Variants in FAM241A observed in about 807,000 individuals in gnomAD.
FAM241A encodes the protein family with sequence similarity 241 member A, also known as uncharacterized protein FAM241A.
A neutral mutation model predicts 12.2 loss-of-function variants in FAM241A; 7 were observed. The observed-to-expected ratio is 0.58, with a 90% CI of 0.33 to 1.08. The LOEUF (loss-of-function observed/expected upper bound fraction) is 1.08. Ranked by LOEUF, FAM241A falls within the 50% of genes least tolerant of loss-of-function variation. The pLI is 0.04. For synonymous variants in FAM241A, 74 were observed against 68.2 expected (o/e 1.08, Z -0.42); for missense variants, 161 against 169.7 (o/e 0.95, Z 0.29).
chr4:112,167,712 T>C (rs1211707854), intron 1 of FAM241A, among the ~76,000 whole-genome samples: 3 of 152,182 alleles, frequency 2.0e-5, no homozygotes, highest in Non-Finnish European at 2.9e-5. Flanking sequence ...TATTAAGCAG[T>C]TTAATAGCAG....
intron 1 of FAM241A, among the ~76,000 whole-genome samples, chr4:112,151,488 T>G (rs1251075146): frequency 6.6e-6 from 1 of 152,206 alleles, no homozygotes; most frequent in Non-Finnish European, 1.5e-5. Flanking sequence ...TCAACTTCAG[T>G]GTGCATAGGA....
Position 112,193,517 on chromosome 4 carries a change from T to G in FAM241A, c.*6579T>G, listed in dbSNP as rs2110440219. On this transcript the variant is annotated 3_prime_UTR_variant, in exon 2 of 2. Coordinates refer to ENST00000309733, the MANE Select transcript of FAM241A (RefSeq NM_152400.3). ...AAGTCTTTAATCCATCTTGAAATAA[T>G]TTTTGTATAAGGTGTAAGGAAGGGA... is the stretch of plus-strand genomic sequence containing the variant. 1 of 152,362 alleles carries G rather than the reference T, an allele frequency of 6.6e-6. No individual in the cohort carries two copies. The highest frequency in any genetic ancestry group is 1.9e-4 in the East Asian group (1 of 5,192). 9.4% of individuals were successfully genotyped at this position (152,362 alleles called of 1,614,324 possible). A position where few individuals can be genotyped will look rare whatever the true frequency, so the allele number is the denominator to read the frequency against.
At chr4:112,178,882 A>G (rs561725843) in intron 1 of FAM241A, among the ~76,000 whole-genome samples, 1 of 152,326 alleles carries the variant, frequency 6.6e-6, no homozygotes, top group Non-Finnish European at 1.5e-5. Flanking sequence ...AAAAATGCTC[A>G]TCATCACTCA....
chr4:112,166,194 G>C (rs1216158148), intron 1 of FAM241A, among the ~76,000 whole-genome samples: 1 of 151,114 alleles, frequency 6.6e-6, no homozygotes, highest in Non-Finnish European at 1.5e-5. Context: ...GACTACAGGT[G>C]CCCCCCACCA....
chr4:112,177,711 G>T (rs1011014089), intron 1 of FAM241A, among the ~76,000 whole-genome samples: 2 of 152,086 alleles, frequency 1.3e-5, no homozygotes, highest in Non-Finnish European at 2.9e-5. Context: ...AGCATCTTGA[G>T]AGAGAATCAG....
chr4:112,183,732 G>GA (rs1723988704), intron 1 of FAM241A, among the ~76,000 whole-genome samples: 1 of 151,230 alleles, frequency 6.6e-6, no homozygotes, highest in Non-Finnish European at 1.5e-5. Context: ...AAAAAATGAA[G>GA]AAAAAAAGGC....
chr4:112,186,579 A>T (rs752493259), intron 1 of FAM241A, 114 bp from the exon 2 acceptor site: 3 of 952,532 alleles, frequency 3.1e-6, no homozygotes, highest in Non-Finnish European at 4.6e-6. Context: ...TACTTGTAGA[A>T]TAATTATCAG....
intron 1 of FAM241A, among the ~76,000 whole-genome samples, chr4:112,160,490 C>G (rs901688662): frequency 7.2e-5 from 11 of 151,978 alleles, no homozygotes; most frequent in Middle Eastern, 3.4e-3. Flanking sequence ...CCGAAGCAAC[C>G]TACAGATTCA....
chr4:112,168,665 ATT>A (rs146001118), intron 1 of FAM241A, among the ~76,000 whole-genome samples: 2 of 149,886 alleles, frequency 1.3e-5, no homozygotes, highest in African/African-American at 2.4e-5. Flanking sequence ...CTATATTTGG[ATT>A]TTTTTTTTTA....
intron 1 of FAM241A, chr4:112,171,135 G>GA (rs888770595): frequency 8.8e-5 from 37 of 422,486 alleles, no homozygotes; most frequent in East Asian, 2.7e-4. Context: ...TATTGTACAG[G>GA]AAAAAAAATG....
At chr4:112,167,155 A>AT (rs993993118) in intron 1 of FAM241A, among the ~76,000 whole-genome samples, 2 of 151,724 alleles carry the variant, frequency 1.3e-5, no homozygotes, top group Non-Finnish European at 2.9e-5. Flanking sequence ...AATACTAATA[A>AT]TTTTTTCTTG....
At chr4:112,151,386 G>A (rs571240707) in intron 1 of FAM241A, among the ~76,000 whole-genome samples, 2 of 152,254 alleles carry the variant, frequency 1.3e-5, no homozygotes, top group South Asian at 2.1e-4. Context: ...AGAACCATGA[G>A]CCAAATAAAC....
rs1724093661 is a variant in FAM241A at position 112,188,618 on chromosome 4, AG to A, written c.*1681del. ...AGTTGTTTGAAAAGGTGTTTTTATTAGTGCACAATAGAATTGTGAGGTTTTC... is the reference window on the plus strand; with the variant it reads ...AGTTGTTTGAAAAGGTGTTTTTATTATGCACAATAGAATTGTGAGGTTTTC... On this transcript the variant is annotated 3_prime_UTR_variant, in exon 2 of 2. Transcript: ENST00000309733. 1.3e-5 allele frequency: 2 copies of A among 152,142 alleles called. No individual in the cohort carries two copies. The highest frequency in any genetic ancestry group is 2.9e-5 in the Non-Finnish European group (2 of 67,994). The allele number at this position is 152,142 out of a possible 1,614,324, so 9.4% of individuals were successfully genotyped here. A position where few individuals can be genotyped will look rare whatever the true frequency, so the allele number is the denominator to read the frequency against.
At chr4:112,158,570 A>G (rs778540178) in intron 1 of FAM241A, among the ~76,000 whole-genome samples, 2 of 152,006 alleles carry the variant, frequency 1.3e-5, no homozygotes, top group Non-Finnish European at 2.9e-5. Flanking sequence ...AAGAGAGACA[A>G]TGTATAAATG....
chr4:112,164,126 A>AAG (rs1723542853), intron 1 of FAM241A, among the ~76,000 whole-genome samples: 1 of 133,874 alleles, frequency 7.5e-6, no homozygotes, highest in African/African-American at 2.8e-5. Flanking sequence ...GGGTGGGGGG[A>AAG]AGGGGAAGGG....
At position 112,171,745 on chromosome 4, in the gene FAM241A, G is replaced by T. The variant is rs1489548387; in HGVS notation, c.154-14948G>T. ...ATGGTGGCGGGCGCCTGTAGTCCCA[G>T]CTACTCAGGAGGCTGAGGCAGGAGA... On this transcript the variant is annotated intron_variant, in intron 1 of 1. Transcript: ENST00000309733. Among the ~76,000 whole-genome samples the T allele has an allele frequency of 1.4e-4, 21 of 152,084 alleles. 1 individual carries two copies. The highest frequency in any genetic ancestry group is 1.4e-3 in the Admixed American group (21 of 15,278).
chr4:112,184,069 T>G (rs190365520), intron 1 of FAM241A, among the ~76,000 whole-genome samples: 1 of 152,276 alleles, frequency 6.6e-6, no homozygotes, highest in African/African-American at 2.4e-5. Context: ...AATCATTTTA[T>G]GGATTAGAAA....
At chr4:112,170,335 C>G (rs866785552) in intron 1 of FAM241A, among the ~76,000 whole-genome samples, 1 of 152,258 alleles carries the variant, frequency 6.6e-6, no homozygotes, top group Middle Eastern at 3.4e-3. Context: ...CCTATATATA[C>G]TGTTTTTCCT....
intron 1 of FAM241A, among the ~76,000 whole-genome samples, chr4:112,166,690 A>AC (rs1240639874): frequency 2.0e-5 from 3 of 152,140 alleles, no homozygotes; most frequent in African/African-American, 7.2e-5. Flanking sequence ...GTCTAATAGC[A>AC]CCCACCTGAC....
Sources: allele counts gnomAD v4.1 joint callset (sites outside exome capture counted in the v4.1 genomes callset), GRCh38; gene constraint gnomAD v4.1.1; transcripts MANE v1.5; gene names NCBI Gene and HGNC (gene_info 2026-07-23, HGNC 2026-07-21).